STT3B: variants seen among roughly 807,000 people sequenced by gnomAD.
STT3B encodes the protein STT3 oligosaccharyltransferase complex catalytic subunit B.
In STT3B, 29 loss-of-function variants were observed where a neutral mutation model predicts 96.8. That is an observed-to-expected ratio of 0.30 (90% CI 0.22 to 0.41). The LOEUF is 0.41. STT3B is among the 10% of genes least tolerant of loss of function. The pLI, the probability that STT3B is intolerant of heterozygous loss-of-function variation, is 1.00. For missense variants in STT3B, 640 were observed against 1,022.3 expected, an observed-to-expected ratio of 0.63 and a Z score of 5.10; for synonymous variants, 367 against 360.0, an observed-to-expected ratio of 1.02 and a Z score of -0.22.
intron 4 of STT3B, among the ~76,000 whole-genome samples, chr3:31,599,233 T>G: frequency 6.6e-6 from 1 of 152,180 alleles, no homozygotes; most frequent in East Asian, 1.9e-4. Flanking sequence ...TAATGACAAT[T>G]TGAGCTAATC....
At chr3:31,630,063 TTTC>T (rs906472821) in intron 14 of STT3B, among the ~76,000 whole-genome samples, 1 of 152,232 alleles carries the variant, frequency 6.6e-6, no homozygotes, top group African/African-American at 2.4e-5. Flanking sequence ...ACTTGGTTCT[TTTC>T]TTGTTTGTAA....
chr3:31,611,852 G>A (rs556536504), intron 5 of STT3B, among the ~76,000 whole-genome samples: 2 of 151,968 alleles, frequency 1.3e-5, no homozygotes, highest in Non-Finnish European at 2.9e-5. Context: ...TTACTCAGAT[G>A]TATCTAATTT....
chr3:31,635,828 GT>G (rs1293837703), intron 15 of STT3B, among the ~76,000 whole-genome samples, 155 bp from the exon 16 acceptor site: 1 of 152,168 alleles, frequency 6.6e-6, no homozygotes, highest in African/African-American at 2.4e-5. Context: ...ACCACTAACA[GT>G]TTAGTGGTGT....
At chr3:31,620,877 G>A (rs1291114101) in intron 9 of STT3B, among the ~76,000 whole-genome samples, 1 of 152,012 alleles carries the variant, frequency 6.6e-6, no homozygotes. Flanking sequence ...TAGGGGTTCA[G>A]TTTAAAGGAT....
chr3:31,612,649 C>T (rs1471684409), intron 5 of STT3B, among the ~76,000 whole-genome samples: 1 of 152,140 alleles, frequency 6.6e-6, no homozygotes, highest in Non-Finnish European at 1.5e-5. Context: ...ATGTTTTCTA[C>T]TTTACTAATG....
intron 3 of STT3B, among the ~76,000 whole-genome samples, chr3:31,583,425 T>C (rs774295815): frequency 3.3e-5 from 5 of 152,128 alleles, no homozygotes; most frequent in African/African-American, 9.7e-5. Flanking sequence ...CCCTCCTCAC[T>C]TCCCAAAGTG....
At chr3:31,604,158 T>G (rs1222439916) in intron 5 of STT3B, among the ~76,000 whole-genome samples, 2 of 152,160 alleles carry the variant, frequency 1.3e-5, no homozygotes, top group Non-Finnish European at 2.9e-5. Flanking sequence ...AGAGTAACAG[T>G]TGTTTTTCAT....
In STT3B at chr3:31,624,987, G is replaced by A; in HGVS notation, c.1801G>A (p.Val601Ile). 4 of 1,613,840 alleles carry A rather than the reference G, an allele frequency of 2.5e-6. No individual in the cohort carries two copies. Among genetic ancestry groups the A allele is most frequent in the Non-Finnish European group, 3.4e-6 (4 of 1,179,842 alleles). The change falls in exon 12 of 16, where the codon GTA becomes ATA. Residue 601 changes from valine to isoleucine, a missense_variant. Coordinates refer to ENST00000295770, the MANE Select transcript of STT3B (RefSeq NM_178862.3). ...GCAAAATACAGATGAACATGCACGA[G>A]TAATGTCTTGGTGGGATTATGGCTA... ...LRQNTDEHAR[V>I]MSWWDYGYQI...
intron 1 of STT3B, among the ~76,000 whole-genome samples, chr3:31,568,735 T>C (rs1698069894): frequency 6.6e-6 from 1 of 152,222 alleles, no homozygotes; most frequent in Non-Finnish European, 1.5e-5. Flanking sequence ...TCTTTGTTGT[T>C]GTTTTGAGTG....
chr3:31,634,749 G>A (rs1286365895), intron 15 of STT3B, among the ~76,000 whole-genome samples: 1 of 152,058 alleles, frequency 6.6e-6, no homozygotes, highest in Non-Finnish European at 1.5e-5. Flanking sequence ...CACCCTGAGG[G>A]CTATTACACA....
At chr3:31,598,418 T>C (rs1698842567) in intron 4 of STT3B, among the ~76,000 whole-genome samples, 1 of 152,126 alleles carries the variant, frequency 6.6e-6, no homozygotes, top group African/African-American at 2.4e-5. Context: ...ATAAGAGTAC[T>C]TGGAAGTTTT....
intron 1 of STT3B, among the ~76,000 whole-genome samples, chr3:31,545,233 A>G (rs977577326): frequency 6.6e-6 from 1 of 152,212 alleles, no homozygotes; most frequent in African/African-American, 2.4e-5. Context: ...GTTAAAATGA[A>G]TCAGTCACTT....
chr3:31,536,666 A>G (rs1006527278), intron 1 of STT3B, among the ~76,000 whole-genome samples: 1 of 152,190 alleles, frequency 6.6e-6, no homozygotes, highest in Non-Finnish European at 1.5e-5. Flanking sequence ...TGATTTATTT[A>G]TTGAAGTACA....
intron 8 of STT3B, among the ~76,000 whole-genome samples, chr3:31,618,776 C>G (rs1699365970): frequency 6.6e-6 from 1 of 152,006 alleles, no homozygotes; most frequent in South Asian, 2.1e-4. Flanking sequence ...AGAGTTCAGC[C>G]TGTGGATCAC....
At chr3:31,533,628 A>G in intron 1 of STT3B, 1 of 194,402 alleles carries the variant, frequency 5.1e-6, no homozygotes, top group East Asian at 1.2e-4. Flanking sequence ...GTGTGGGTGC[A>G]GTCCCTCGCA....
At chr3:31,549,623 G>A (rs962975360) in intron 1 of STT3B, among the ~76,000 whole-genome samples, 3 of 151,996 alleles carry the variant, frequency 2.0e-5, no homozygotes, top group African/African-American at 4.8e-5. Context: ...TGACTTAAAC[G>A]TGTATTATGT....
intron 8 of STT3B, among the ~76,000 whole-genome samples, chr3:31,619,064 C>G (rs1177533700): frequency 6.6e-6 from 1 of 151,704 alleles, no homozygotes; most frequent in East Asian, 1.9e-4. Flanking sequence ...ATGCCAGCTT[C>G]ATGTCAAGCA....
intron 3 of STT3B, among the ~76,000 whole-genome samples, chr3:31,585,452 CAT>C (rs1208799333): frequency 5.3e-5 from 8 of 152,142 alleles, no homozygotes; most frequent in East Asian, 3.9e-4. Context: ...GAAATGAGTA[CAT>C]GTTTGTTATT....
chr3:31,609,352 C>CT (rs1201711152), intron 5 of STT3B, among the ~76,000 whole-genome samples: 4 of 152,068 alleles, frequency 2.6e-5, no homozygotes, highest in African/African-American at 9.7e-5. Context: ...TACCTAACAC[C>CT]TCTTAAGTTA....
Sources: gnomAD v4.1 joint callset for allele counts (sites outside exome capture counted in the v4.1 genomes callset) on GRCh38, gnomAD v4.1.1 for gene constraint, MANE v1.5 for transcripts, NCBI Gene and HGNC (gene_info 2026-07-23, HGNC 2026-07-21) for gene names.